RPGRIP1: variants seen among roughly 807,000 people sequenced by gnomAD.
RPGRIP1 encodes X-linked retinitis pigmentosa GTPase regulator-interacting protein 1.
A neutral mutation model predicts 157.9 loss-of-function variants in RPGRIP1; 128 were observed. The observed-to-expected ratio is 0.81, with a 90% CI of 0.70 to 0.94. The LOEUF (loss-of-function observed/expected upper bound fraction) is 0.94, where lower values mean the gene tolerates loss of function less well. Ranked by LOEUF, RPGRIP1 falls within the 40% of genes least tolerant of loss-of-function variation. The probability of loss-of-function intolerance (pLI) is 0.00; values close to 1 mark genes in which losing one functional copy is unlikely to be tolerated. For missense variants in RPGRIP1, 1,486 were observed against 1,545.8 expected (o/e 0.96, Z 0.65); for synonymous variants, 554 against 571.6 (o/e 0.97, Z 0.44).
chr14:21,286,435 C>G (rs941296958), intron 1 of RPGRIP1, among the ~76,000 whole-genome samples: 1 of 149,056 alleles, frequency 6.7e-6, no homozygotes, highest in African/African-American at 2.6e-5. Context: ...TAAGATAAAT[C>G]AAAATTCCTG....
In RPGRIP1 at chr14:21,312,427, T is replaced by C. The variant is rs1411135871; in HGVS notation, c.1078-6T>C. ...ATTTTATCTCAAGGGCTACTATCAC[T>C]CTTAGTTTCAGGAGAGAGTTGAAGA... On this transcript the variant is annotated splice_region_variant and splice_polypyrimidine_tract_variant and intron_variant, in intron 9 of 24. Coordinates refer to ENST00000400017, the MANE Select transcript of RPGRIP1 (RefSeq NM_020366.4). 2.5e-6 allele frequency: 4 copies of C among 1,596,366 alleles called. No homozygotes were observed. Among genetic ancestry groups the C allele is most frequent in the Non-Finnish European group, 3.4e-6 (4 of 1,165,672 alleles).
intron 19 of RPGRIP1, 26 bp downstream of exon 19, chr14:21,328,653 C>T (rs777343095): frequency 5.2e-6 from 8 of 1,533,368 alleles, no homozygotes; most frequent in Non-Finnish European, 7.2e-6. Flanking sequence ...CTCTGAAGCA[C>T]TAAATTGTGG....
In RPGRIP1 at chr14:21,310,783, A is replaced by G. The variant is rs1012201448; in HGVS notation, c.930+176A>G. The G allele has an allele frequency of 3.9e-5, 26 of 670,860 alleles. 2 individuals carry two copies. Among genetic ancestry groups the G allele is most frequent in the South Asian group, 3.0e-4 (19 of 62,316 alleles). The allele number at this position is 670,860 out of a possible 1,614,324, so 41.6% of individuals were successfully genotyped here. A position where few individuals can be genotyped will look rare whatever the true frequency, so the allele number is the denominator to read the frequency against. On this transcript the variant is annotated intron_variant, in intron 8 of 24. Transcript: ENST00000400017. ...ATTATGATTATCAAAAGATACAGAT[A>G]CTTATTGCACTGTTTTCATAAAAAT...
chr14:21,350,534 G>T (rs1244836042), intron 24 of RPGRIP1, among the ~76,000 whole-genome samples: 3 of 152,012 alleles, frequency 2.0e-5, no homozygotes, highest in African/African-American at 4.8e-5. Flanking sequence ...AGACCCTAAG[G>T]TTTACAAAGT....
At chr14:21,297,842 T>TTTCTTTCTTTCTTTCTTTC (rs1880853707) in intron 3 of RPGRIP1, among the ~76,000 whole-genome samples, 1 of 146,774 alleles carries the variant, frequency 6.8e-6, no homozygotes, top group South Asian at 2.2e-4. Flanking sequence ...TTATTCTTTC[T>TTTCTTTCTTTCTTTCTTTC]TTCTTTCTTT....
chr14:21,350,627 C>A (rs1049664026), intron 24 of RPGRIP1, among the ~76,000 whole-genome samples: 1 of 152,064 alleles, frequency 6.6e-6, no homozygotes, highest in Non-Finnish European at 1.5e-5. Flanking sequence ...ATCTATAAAA[C>A]GGGAATAACA....
At chr14:21,320,440 G>A (rs1310212575) in intron 12 of RPGRIP1, among the ~76,000 whole-genome samples, 4 of 151,500 alleles carry the variant, frequency 2.6e-5, no homozygotes, top group Admixed American at 2.6e-4. Context: ...ACAGGCACCC[G>A]CCACCTCGCC....
At chr14:21,340,754 T>C (rs1828402300) in intron 21 of RPGRIP1, among the ~76,000 whole-genome samples, 1 of 152,142 alleles carries the variant, frequency 6.6e-6, no homozygotes. Context: ...GAGAAATACA[T>C]TTCTGCAGTA....
intron 21 of RPGRIP1, among the ~76,000 whole-genome samples, chr14:21,335,183 G>T (rs2139292217): frequency 6.6e-6 from 1 of 152,168 alleles, no homozygotes; most frequent in South Asian, 2.1e-4. Context: ...TGTGAATGAA[G>T]GTCGGCTGGT....
In RPGRIP1 at chr14:21,325,021, C is replaced by T. The variant is rs376086719; in HGVS notation, c.2166C>T (p.Asp722=). 61 of 1,613,880 alleles carry T rather than the reference C, an allele frequency of 3.8e-5. No individual in the cohort carries two copies. The highest frequency in any genetic ancestry group is 1.4e-5 in the Non-Finnish European group (16 of 1,179,894). The change falls in exon 15 of 25, where the codon GAC becomes GAT. Residue 722 remains aspartate, a synonymous_variant. Coordinates refer to ENST00000400017, the MANE Select transcript of RPGRIP1 (RefSeq NM_020366.4). Reference sequence around the variant, plus strand: ...TTGCTGCAGGATGGATTTGCTTTGACAGGGTGCTAGAGACTGTGGAGAAAG... The same window carrying T: ...TTGCTGCAGGATGGATTTGCTTTGATAGGGTGCTAGAGACTGTGGAGAAAG... The part of the protein sequence containing the change: ...STLAAGWICF[D]RVLETVEKVH...
intron 14 of RPGRIP1, chr14:21,324,318 C>T: frequency 4.4e-6 from 2 of 449,874 alleles, no homozygotes; most frequent in Admixed American, 3.5e-5. Flanking sequence ...ACGATGTACA[C>T]CAAAACAATG....
chr14:21,281,294 T>C (rs2139123998), intron 1 of RPGRIP1, among the ~76,000 whole-genome samples: 1 of 152,226 alleles, frequency 6.6e-6, no homozygotes, highest in Non-Finnish European at 1.5e-5. Context: ...AGTGCTGGGA[T>C]TACGGGCGTG....
At chr14:21,317,652 C>T in intron 10 of RPGRIP1, 44 bp from the exon 11 acceptor site, 1 of 1,559,188 alleles carries the variant, frequency 6.4e-7, no homozygotes, top group Non-Finnish European at 8.7e-7. Context: ...CGTCATATCA[C>T]ACCCCTTGGG....
At chr14:21,310,863 G>T in intron 8 of RPGRIP1, 1 of 671,318 alleles carries the variant, frequency 1.5e-6, no homozygotes. Flanking sequence ...TAAGCCTATT[G>T]CTGGAGCAAA....
At chr14:21,325,537 A>G (rs958912911) in intron 16 of RPGRIP1, among the ~76,000 whole-genome samples, 154 bp downstream of exon 16, 8 of 152,248 alleles carry the variant, frequency 5.3e-5, no homozygotes, top group African/African-American at 1.9e-4. Context: ...TCCCTTGGTC[A>G]GGCTTGAGTC....
Position 21,303,562 on chromosome 14 carries a change from A to G in RPGRIP1, c.800+19A>G, listed in dbSNP as rs1881131092. 1 of 1,590,760 alleles carries G rather than the reference A, an allele frequency of 6.3e-7. No individual in the cohort carries two copies. Among genetic ancestry groups the G allele is most frequent in the African/African-American group, 1.3e-5 (1 of 74,392 alleles). On this transcript the variant is annotated intron_variant, in intron 6 of 24. Coordinates refer to ENST00000400017, the MANE Select transcript of RPGRIP1 (RefSeq NM_020366.4). ...AGCTTCGGTAAGAGTGTGGCACTCCATGCCTCAAACCAAAACGAACTGAAA... is the reference window on the plus strand; with the variant it reads ...AGCTTCGGTAAGAGTGTGGCACTCCGTGCCTCAAACCAAAACGAACTGAAA...
At chr14:21,289,769 G>A (rs545686575) in intron 2 of RPGRIP1, among the ~76,000 whole-genome samples, 4 of 152,108 alleles carry the variant, frequency 2.6e-5, no homozygotes, top group Non-Finnish European at 4.4e-5. Flanking sequence ...TTGGGAGGCC[G>A]AGGCAGGTGG....
chr14:21,349,466 T>A (rs919726481), intron 24 of RPGRIP1, among the ~76,000 whole-genome samples: 3 of 146,376 alleles, frequency 2.0e-5, no homozygotes, highest in Non-Finnish European at 4.5e-5. Flanking sequence ...AATGGACCGA[T>A]CTCAGCTCAC....
At chr14:21,327,942 G>C in intron 18 of RPGRIP1, 135 bp downstream of exon 18, 1 of 621,474 alleles carries the variant, frequency 1.6e-6, no homozygotes. Flanking sequence ...GCCATGGCAG[G>C]CGAATTACCT....
Sources: gnomAD v4.1 joint callset for allele counts (sites outside exome capture counted in the v4.1 genomes callset) on GRCh38, gnomAD v4.1.1 for gene constraint, MANE v1.5 for transcripts, NCBI Gene and HGNC (gene_info 2026-07-23, HGNC 2026-07-21) for gene names.